The following SYNE2 variants were observed in gnomAD, a reference collection of about 807,000 sequenced individuals.
The protein encoded by SYNE2 is spectrin repeat containing nuclear envelope protein 2, also known as nesprin-2.
Under a neutral mutation model 856.3 loss-of-function variants are expected in SYNE2, and 431 were observed. The ratio of observed to expected loss-of-function variants is 0.50; its 90% confidence interval spans 0.47 to 0.55. The LOEUF (loss-of-function observed/expected upper bound fraction) is 0.55. SYNE2 is among the 20% of genes least tolerant of loss of function. The probability of loss-of-function intolerance (pLI) is 0.00; values close to 1 mark genes in which losing one functional copy is unlikely to be tolerated. For synonymous variants in SYNE2, 2,923 were observed against 2,872.3 expected (o/e 1.02, Z -0.56); for missense variants, 8,129 against 8,023.2 (o/e 1.01, Z -0.50).
intron 57 of SYNE2, 51 bp downstream of exon 57, chr14:64,081,631 C>A: frequency 1.9e-6 from 3 of 1,598,744 alleles, no homozygotes; most frequent in South Asian, 1.1e-5. Context: ...CATAAAGATT[C>A]GTGGCTTAGC....
chr14:64,008,167 C>G lies in SYNE2; in HGVS notation c.4577+945C>G, dbSNP rs199986832. Among the ~76,000 whole-genome samples, 5 of 152,330 alleles carry G rather than the reference C, an allele frequency of 3.3e-5. No homozygotes were observed. In the East Asian group the frequency reaches 9.6e-4, roughly 29 times the overall value. ...TTCAGATCTCTCTCTGCCCTCTGTT[C>G]TGTCATCATGTCTCCTTTGACACCT... On this transcript the variant is annotated intron_variant, in intron 31 of 115. Transcript: ENST00000555002.
intron 26 of SYNE2, 35 bp downstream of exon 26, chr14:63,998,363 C>T: frequency 7.0e-7 from 1 of 1,420,738 alleles, no homozygotes; most frequent in Non-Finnish European, 1.0e-6. Context: ...GAAAATCCAC[C>T]AGAAGTCTTT....
At chr14:64,150,007 CTTTTTTTTTT>C (rs755126549) in intron 84 of SYNE2, among the ~76,000 whole-genome samples, 1 of 94,418 alleles carries the variant, frequency 1.1e-5, no homozygotes, top group Admixed American at 1.3e-4. Flanking sequence ...TTTTTCTTTT[CTTTTTTTTTT>C]TTTTTTTTTT....
At chr14:63,918,633 A>G (rs1245845981) in intron 2 of SYNE2, among the ~76,000 whole-genome samples, 1 of 152,212 alleles carries the variant, frequency 6.6e-6, no homozygotes, top group Non-Finnish European at 1.5e-5. Flanking sequence ...ATGGGAGGGA[A>G]AAGGCAGAAA....
rs2097243006 is a variant in SYNE2, at chr14:64,053,486, T to C, written c.9573T>C (p.Asn3191=). ...EIKHIQNEKD[N]CEAFQEQVWA... is the part of the protein sequence containing the mutation. ...AACATATTCAAAATGAAAAGGACAA[T>C]TGTGAAGCATTTCAGGAGCAAGTTT... Residue 3191 remains asparagine, a synonymous_variant, in exon 48 of 116, where the codon AAT becomes AAC. Coordinates refer to ENST00000555002, the MANE Select transcript of SYNE2 (RefSeq NM_182914.3). 6.2e-7 allele frequency: 1 copy of C among 1,614,146 alleles called. No individual in the cohort carries two copies. The highest frequency in any genetic ancestry group is 1.1e-5 in the South Asian group (1 of 91,072).
Position 64,167,259 on chromosome 14 carries a change from A to G in SYNE2, c.16632A>G (p.Gln5544=), listed in dbSNP as rs373155878. The G allele has an allele frequency of 1.4e-5, 23 of 1,614,102 alleles. No individual in the cohort carries two copies. Among genetic ancestry groups the G allele is most frequent in the South Asian group, 6.6e-5 (6 of 91,088 alleles). Residue 5544 remains glutamine, a synonymous_variant, in exon 91 of 116, where the codon CAA becomes CAG. Coordinates refer to ENST00000555002, the MANE Select transcript of SYNE2 (RefSeq NM_182914.3). ...ATCATGTGCTGGCACTGACAGCCCA[A>G]TCACCTGATATTGAACATTTGAATG... ...FLNHVLALTA[Q]SPDIEHLNEV...
At chr14:64,120,282 A>G (rs2097888501) in intron 67 of SYNE2, among the ~76,000 whole-genome samples, 1 of 152,204 alleles carries the variant, frequency 6.6e-6, no homozygotes, top group African/African-American at 2.4e-5. Flanking sequence ...TATTTTAGCC[A>G]TAGGGGAAAT....
In SYNE2 at chr14:64,026,686, C is replaced by T. The variant is rs1000034207; in HGVS notation, c.6360C>T (p.Ser2120=). The change falls in exon 42 of 116, where the codon AGC becomes AGT. Residue 2120 remains serine, a synonymous_variant. Coordinates refer to ENST00000555002, the MANE Select transcript of SYNE2 (RefSeq NM_182914.3). The stretch of plus-strand genomic sequence containing the variant: ...TTCAGAAGACCCTCACTGACATCAG[C>T]AACCAGTGGGACAACACACTCCATT... ...PLVQKTLTDI[S]NQWDNTLHLA... 2 of 1,612,362 alleles carry T rather than the reference C, an allele frequency of 1.2e-6. No homozygotes were observed. Among genetic ancestry groups the T allele is most frequent in the Non-Finnish European group, 1.7e-6 (2 of 1,179,166 alleles).
intron 66 of SYNE2, among the ~76,000 whole-genome samples, chr14:64,118,330 G>A (rs924039851): frequency 1.8e-4 from 27 of 152,136 alleles, no homozygotes; most frequent in Non-Finnish European, 3.2e-4. Flanking sequence ...CAATGACCGA[G>A]ACTTACTGGG....
chr14:63,901,951 A>C (rs541063711), intron 1 of SYNE2, among the ~76,000 whole-genome samples: 1 of 152,064 alleles, frequency 6.6e-6, no homozygotes, highest in African/African-American at 2.4e-5. Context: ...AACAAAACCA[A>C]AACCCCCAAA....
chr14:64,116,879 C>T (rs562615321), intron 66 of SYNE2, among the ~76,000 whole-genome samples: 14 of 152,260 alleles, frequency 9.2e-5, no homozygotes, highest in African/African-American at 3.4e-4. Context: ...AAATGAAAAT[C>T]ATGAAACGTG....
chr14:64,019,985 G>A lies in SYNE2; in HGVS notation c.5050-7G>A. On this transcript the variant is annotated splice_region_variant and splice_polypyrimidine_tract_variant and intron_variant, in intron 34 of 115. Transcript: ENST00000555002. ...AAGACACTATCCTTTAAAATTACAT[G>A]TTTTAGGAAGAATTACAAGTCCATG... 4 of 1,571,830 alleles carry A rather than the reference G, an allele frequency of 2.5e-6. No individual in the cohort carries two copies. The highest frequency in any genetic ancestry group is 2.6e-6 in the Non-Finnish European group (3 of 1,141,778).
At chr14:63,801,805 G>A (rs1483557643) in intron 1 of SYNE2, among the ~76,000 whole-genome samples, 4 of 150,866 alleles carry the variant, frequency 2.7e-5, no homozygotes, top group Non-Finnish European at 4.4e-5. Flanking sequence ...AAAGGCAAAA[G>A]CAATAAAATA....
chr14:63,955,714 A>G (rs2096233457), intron 8 of SYNE2, among the ~76,000 whole-genome samples: 1 of 152,170 alleles, frequency 6.6e-6, no homozygotes, highest in South Asian at 2.1e-4. Flanking sequence ...ACTATTATAG[A>G]TTTTACTGAT....
At chr14:64,168,036 A>G (rs2098390720) in intron 92 of SYNE2, among the ~76,000 whole-genome samples, 1 of 152,198 alleles carries the variant, frequency 6.6e-6, no homozygotes, top group Non-Finnish European at 1.5e-5. Flanking sequence ...TAATAATTTC[A>G]CAGGAGTTTC....
Position 64,053,449 on chromosome 14 carries a change from A to G in SYNE2, c.9536A>G (p.Asn3179Ser). ...KSQLQQPLLI[N>S]LEIKHIQNEK... ...CAATTACAGCAGCCATTACTTATAAATTTGGAAATTAAACATATTCAAAAT... is the reference window on the plus strand; with the variant it reads ...CAATTACAGCAGCCATTACTTATAAGTTTGGAAATTAAACATATTCAAAAT... The change falls in exon 48 of 116, where the codon AAT (asparagine) becomes AGT (serine). Residue 3179 changes from asparagine (N) to serine (S), a missense_variant. Coordinates refer to ENST00000555002, the MANE Select transcript of SYNE2 (RefSeq NM_182914.3). 1 of 1,613,522 alleles carries G rather than the reference A, an allele frequency of 6.2e-7. No individual in the cohort carries two copies. The highest frequency in any genetic ancestry group is 8.5e-7 in the Non-Finnish European group (1 of 1,179,892).
intron 1 of SYNE2, among the ~76,000 whole-genome samples, chr14:63,786,735 C>T (rs1192339497): frequency 1.3e-5 from 2 of 151,968 alleles, no homozygotes; most frequent in Non-Finnish European, 2.9e-5. Context: ...TTTATTTTGC[C>T]TAGATTTAAT....
intron 32 of SYNE2, among the ~76,000 whole-genome samples, chr14:64,010,608 A>T (rs2096836456): frequency 6.6e-6 from 1 of 152,188 alleles, no homozygotes; most frequent in Admixed American, 6.5e-5. Flanking sequence ...ACTAGGTGTC[A>T]TTATTTTCTA....
intron 52 of SYNE2, 44 bp downstream of exon 52, chr14:64,070,954 A>G (rs1411911183): frequency 6.2e-7 from 1 of 1,605,902 alleles, no homozygotes; most frequent in Non-Finnish European, 8.5e-7. Context: ...CTTGACAATT[A>G]TGGCTCAAAA....
Sources: allele counts gnomAD v4.1 joint callset (sites outside exome capture counted in the v4.1 genomes callset), GRCh38; gene constraint gnomAD v4.1.1; transcripts MANE v1.5; gene names NCBI Gene and HGNC (gene_info 2026-07-23, HGNC 2026-07-21).